The following LRRC17 variants were observed in gnomAD, a reference collection of about 807,000 sequenced individuals.
LRRC17 encodes leucine rich repeat containing 17.
Under a neutral mutation model 41.5 loss-of-function variants are expected in LRRC17, and 33 were observed. The ratio of observed to expected loss-of-function variants is 0.80; its 90% confidence interval spans 0.60 to 1.06. The LOEUF is 1.06. Ranked by LOEUF, LRRC17 falls within the 50% of genes least tolerant of loss-of-function variation. LRRC17 has a pLI of 0.00. For missense variants in LRRC17, 491 were observed against 519.3 expected, an observed-to-expected ratio of 0.95 and a Z score of 0.53; for synonymous variants, 192 against 197.0, an observed-to-expected ratio of 0.97 and a Z score of 0.21.
At chr7:102,938,667 T>C (rs1301511285) in intron 2 of LRRC17, among the ~76,000 whole-genome samples, 1 of 152,210 alleles carries the variant, frequency 6.6e-6, no homozygotes, top group Non-Finnish European at 1.5e-5. Flanking sequence ...CCTTCTGGTC[T>C]GGGGAAATGT....
At chr7:102,917,997 G>T (rs1223114363) in intron 1 of LRRC17, among the ~76,000 whole-genome samples, 2 of 152,120 alleles carry the variant, frequency 1.3e-5, no homozygotes, top group African/African-American at 2.4e-5. Flanking sequence ...CAAATAAAAA[G>T]CTGGCAAATC....
At chr7:102,931,970 T>C (rs1214536158) in intron 1 of LRRC17, 3 of 1,591,950 alleles carry the variant, frequency 1.9e-6, no homozygotes, top group African/African-American at 1.3e-5. Context: ...AAACTACATA[T>C]TGCAAATGTT....
chr7:102,918,186 C>G (rs897764355), intron 1 of LRRC17, among the ~76,000 whole-genome samples: 1 of 151,968 alleles, frequency 6.6e-6, no homozygotes, highest in Non-Finnish European at 1.5e-5. Context: ...GAAAATAGAG[C>G]AAAAACAGAG....
intron 1 of LRRC17, among the ~76,000 whole-genome samples, chr7:102,916,859 G>C (rs1815985932): frequency 6.6e-6 from 1 of 151,562 alleles, no homozygotes; most frequent in African/African-American, 2.4e-5. Context: ...ATAATCTTTA[G>C]AGAAATTACA....
Position 102,931,910 on chromosome 7 carries a change from A to G in LRRC17, c.-140-1864A>G, listed in dbSNP as rs1293572069. 4 of 1,613,552 alleles carry G rather than the reference A, an allele frequency of 2.5e-6. No individual in the cohort carries two copies. In the South Asian group the frequency reaches 3.3e-5, roughly 13 times the overall value. ...AATGTTGGGCAGTCAGAGACATTCA[A>G]CTCTTGCAAGTTCCTACAGTGGCCT... On this transcript the variant is annotated intron_variant, in intron 1 of 3. Transcript: ENST00000339431.
chr7:102,924,866 T>C (rs1817787027), intron 1 of LRRC17, among the ~76,000 whole-genome samples: 1 of 152,030 alleles, frequency 6.6e-6, no homozygotes, highest in South Asian at 2.1e-4. Context: ...CCTGACCTCA[T>C]GATCCACCCG....
Position 102,933,839 on chromosome 7 carries a change from A to C in LRRC17, c.-75A>C, listed in dbSNP as rs1819690605. ...AGAACTGCATTAGTTAAGATTACCC[A>C]GACTTGGATTTCAAAGGAATACTTT... On this transcript the variant is annotated 5_prime_UTR_variant, in exon 2 of 4. Coordinates refer to ENST00000339431, the MANE Select transcript of LRRC17 (RefSeq NM_001031692.3). 6.3e-6 allele frequency: 9 copies of C among 1,439,520 alleles called. No homozygotes were observed. In the East Asian group the frequency reaches 2.2e-4, roughly 36 times the overall value. The allele number at this position is 1,439,520 out of a possible 1,614,324, so 89.2% of individuals were successfully genotyped here.
chr7:102,920,651 C>T (rs1357669980), intron 1 of LRRC17, among the ~76,000 whole-genome samples: 1 of 152,056 alleles, frequency 6.6e-6, no homozygotes, highest in Admixed American at 6.6e-5. Flanking sequence ...ATGGCCCATA[C>T]ACTCAATTTT....
chr7:102,944,152 A>G, intron 3 of LRRC17, 58 bp from the exon 4 acceptor site: 1 of 1,322,978 alleles, frequency 7.6e-7, no homozygotes, highest in Non-Finnish European at 1.0e-6. Context: ...TCCTTTCCAT[A>G]TGCCATACAC....
At chr7:102,915,122 ATT>A (rs386410852) in intron 1 of LRRC17, among the ~76,000 whole-genome samples, 88 of 127,994 alleles carry the variant, frequency 6.9e-4, no homozygotes, top group African/African-American at 9.0e-4. Flanking sequence ...AGATTAAAAT[ATT>A]TTTTTTTTTT....
At chr7:102,938,086 A>C (rs1341530563) in intron 2 of LRRC17, among the ~76,000 whole-genome samples, 1 of 152,226 alleles carries the variant, frequency 6.6e-6, no homozygotes, top group African/African-American at 2.4e-5. Context: ...TTGCCAAGAA[A>C]TCCTAGTGTT....
chr7:102,933,689 G>A, intron 1 of LRRC17, 85 bp from the exon 2 acceptor site: 2 of 360,806 alleles, frequency 5.5e-6, no homozygotes, highest in Non-Finnish European at 9.9e-6. Flanking sequence ...GAAGGCCTTT[G>A]CCTTAAAAAG....
chr7:102,928,713 A>AG (rs1818593200), intron 1 of LRRC17, among the ~76,000 whole-genome samples: 1 of 152,250 alleles, frequency 6.6e-6, no homozygotes, highest in Admixed American at 6.5e-5. Flanking sequence ...AACACCTAGC[A>AG]GAACACATTT....
At chr7:102,920,115 A>G (rs955374452) in intron 1 of LRRC17, among the ~76,000 whole-genome samples, 1 of 152,234 alleles carries the variant, frequency 6.6e-6, no homozygotes, top group Non-Finnish European at 1.5e-5. Flanking sequence ...ATCACTGTGT[A>G]CCACAGGAGT....
intron 1 of LRRC17, 126 bp downstream of exon 1, chr7:102,913,271 C>T: frequency 6.2e-7 from 1 of 1,606,638 alleles, no homozygotes; most frequent in Non-Finnish European, 8.5e-7. Flanking sequence ...TCTCTCAAAT[C>T]TTTCTTAAGC....
At chr7:102,942,737 T>C (rs1399881227) in intron 3 of LRRC17, among the ~76,000 whole-genome samples, 2 of 152,158 alleles carry the variant, frequency 1.3e-5, no homozygotes, top group African/African-American at 2.4e-5. Context: ...AGTTATTTTT[T>C]TAAGGGGGAA....
Position 102,944,975 on chromosome 7 carries a change from ATACT to A in LRRC17, c.*371_*374del, listed in dbSNP as rs779482383. 6.1e-5 allele frequency: 10 copies of A among 164,582 alleles called. No individual in the cohort carries two copies. Among genetic ancestry groups the A allele is most frequent in the Non-Finnish European group, 1.0e-4 (8 of 76,918 alleles). The allele number at this position is 164,582 out of a possible 1,614,324, so 10.2% of individuals were successfully genotyped here. On this transcript the variant is annotated 3_prime_UTR_variant, in exon 4 of 4. Transcript: ENST00000339431. ...CATGCCTTTCGATAGCTGTTTGTGC[ATACT>A]TAAAGATGATCAAAATGATTTTATA... is the stretch of plus-strand genomic sequence containing the variant.
intron 3 of LRRC17, among the ~76,000 whole-genome samples, chr7:102,943,406 C>G (rs1205958843): frequency 2.0e-5 from 3 of 149,940 alleles, no homozygotes; most frequent in African/African-American, 7.4e-5. Context: ...TCTAGTAAAA[C>G]TAATCAAGGG....
Position 102,922,816 on chromosome 7 carries a change from C to CAA in LRRC17, c.-141+9682_-141+9683dup, listed in dbSNP as rs936284864. Reference sequence around the variant, plus strand: ...TGAAACCCCGTCTCTACTAAAAATACAAAAAAAAAAAATTAACTGGGTGTG... The same window carrying CAA: ...TGAAACCCCGTCTCTACTAAAAATACAAAAAAAAAAAAAATTAACTGGGTGTG... On this transcript the variant is annotated intron_variant, in intron 1 of 3. Transcript: ENST00000339431. 3.9e-3 allele frequency among the ~76,000 whole-genome samples: 559 copies of CAA among 143,278 alleles called. 4 individuals are homozygous for CAA. The highest frequency in any genetic ancestry group is 0.014 in the African/African-American group (552 of 39,490). 94.0% of individuals were successfully genotyped at this position (143,278 alleles called of 152,430 possible). A position where few individuals can be genotyped will look rare whatever the true frequency, so the allele number is the denominator to read the frequency against.
Sources: allele counts gnomAD v4.1 joint callset (sites outside exome capture counted in the v4.1 genomes callset), GRCh38; gene constraint gnomAD v4.1.1; transcripts MANE v1.5; gene names NCBI Gene and HGNC (gene_info 2026-07-23, HGNC 2026-07-21).